The following ARHGAP18 variants were observed in gnomAD, a reference collection of about 807,000 sequenced individuals.
ARHGAP18 encodes the protein Rho GTPase activating protein 18, also known as rho GTPase-activating protein 18.
A neutral mutation model predicts 86.2 loss-of-function variants in ARHGAP18; 67 were observed. That is an observed-to-expected ratio of 0.78 (90% confidence interval 0.64 to 0.95). The LOEUF is 0.95. ARHGAP18 is among the 40% of genes least tolerant of loss of function. ARHGAP18 has a pLI of 0.00. For synonymous variants in ARHGAP18, 283 were observed against 280.4 expected, an observed-to-expected ratio of 1.01 and a Z score of -0.09; for missense variants, 691 against 780.4, an observed-to-expected ratio of 0.89 and a Z score of 1.37.
At chr6:129,587,776 G>A (rs557323229) in intron 12 of ARHGAP18, among the ~76,000 whole-genome samples, 1 of 152,154 alleles carries the variant, frequency 6.6e-6, no homozygotes, top group Admixed American at 6.5e-5. Context: ...AATTCAAGAT[G>A]AGATTTGGGT....
At chr6:129,597,206 C>G (rs534386458) in intron 12 of ARHGAP18, among the ~76,000 whole-genome samples, 1 of 150,016 alleles carries the variant, frequency 6.7e-6, no homozygotes, top group South Asian at 2.1e-4. Context: ...AGTGCAGTGG[C>G]GCAATCTTGG....
chr6:129,680,316 T>A (rs1406409128), intron 1 of ARHGAP18, among the ~76,000 whole-genome samples: 1 of 152,134 alleles, frequency 6.6e-6, no homozygotes, highest in Non-Finnish European at 1.5e-5. Flanking sequence ...TCCAAACATA[T>A]CTGAAGAGTT....
rs757946610 is a variant in ARHGAP18, at chr6:129,607,992, T to C, written c.1183A>G (p.Lys395Glu). The C allele has an allele frequency of 3.1e-6, 5 of 1,610,524 alleles. No homozygotes were observed. Among genetic ancestry groups the C allele is most frequent in the Middle Eastern group, 1.7e-4 (1 of 6,040 alleles). The change falls in exon 9 of 15, where the codon AAA (lysine) becomes GAA (glutamate). Residue 395 changes from lysine (K) to glutamate (E), a missense_variant. By Grantham distance (56) the Lys-to-Glu change is moderately conservative (BLOSUM62 1). Coordinates refer to ENST00000368149, the MANE Select transcript of ARHGAP18 (RefSeq NM_033515.3). ...YEGTFNWESV[K>E]QHDAASLLKL... ...AGCAGGCTGGCGGCATCATGCTGTT[T>C]GACACTTTCCCAATTAAAAGTCCCT...
intron 1 of ARHGAP18, among the ~76,000 whole-genome samples, chr6:129,677,318 G>A (rs1177456610): frequency 3.3e-5 from 5 of 152,072 alleles, no homozygotes; most frequent in Non-Finnish European, 7.4e-5. Flanking sequence ...GCGTGAACCC[G>A]GGAGGCGGAG....
At chr6:129,581,965 A>G (rs113131430) in intron 13 of ARHGAP18, among the ~76,000 whole-genome samples, 1,738 of 152,242 alleles carry the variant, frequency 0.011, 22 homozygotes, top group South Asian at 0.046. Context: ...ATTCTTACAA[A>G]TGAGGAACTT....
At chr6:129,602,825 C>T in intron 10 of ARHGAP18, among the ~76,000 whole-genome samples, 1 of 151,604 alleles carries the variant, frequency 6.6e-6, no homozygotes, top group East Asian at 1.9e-4. Flanking sequence ...GGTAATAAAC[C>T]GTTTTAATTG....
chr6:129,676,913 CTCTT>C (rs1338882173), intron 1 of ARHGAP18, among the ~76,000 whole-genome samples: 560 of 34,568 alleles, frequency 0.016, 12 homozygotes, highest in African/African-American at 0.038. Flanking sequence ...ATTTTTTGTC[CTCTT>C]TTTTTTTTTT....
At chr6:129,603,798 T>A (rs1788796832) in intron 10 of ARHGAP18, among the ~76,000 whole-genome samples, 1 of 152,198 alleles carries the variant, frequency 6.6e-6, no homozygotes, top group Admixed American at 6.5e-5. Flanking sequence ...TAACTGTAGT[T>A]AAGCAGCTTG....
chr6:129,641,808 G>A lies in ARHGAP18; in HGVS notation c.316+8C>T. 1.2e-6 allele frequency: 2 copies of A among 1,608,144 alleles called. No homozygotes were observed. The highest frequency in any genetic ancestry group is 1.8e-4 in the Middle Eastern group (1 of 5,422). On this transcript the variant is annotated splice_region_variant and intron_variant, in intron 2 of 14. Coordinates refer to ENST00000368149, the MANE Select transcript of ARHGAP18 (RefSeq NM_033515.3). ...AAACAACAAAAGCTTTATTTAGTTA[G>A]TTATTACCATCAGGCTCTTTGACAA...
chr6:129,692,043 G>A (rs1774538842), intron 1 of ARHGAP18, among the ~76,000 whole-genome samples: 1 of 152,164 alleles, frequency 6.6e-6, no homozygotes. Context: ...CAGAGGAGGA[G>A]CAACTGCCCT....
chr6:129,596,826 G>A (rs1003337298), intron 12 of ARHGAP18: 2 of 152,136 alleles, frequency 1.3e-5, no homozygotes, highest in Admixed American at 6.6e-5. Flanking sequence ...CAAAAGGAAC[G>A]GCTCCTACTC....
At chr6:129,668,290 A>C (rs1774078323) in intron 1 of ARHGAP18, among the ~76,000 whole-genome samples, 1 of 150,750 alleles carries the variant, frequency 6.6e-6, no homozygotes, top group African/African-American at 2.4e-5. Flanking sequence ...GTATCAGTGC[A>C]TGGAGCACAT....
Position 129,578,453 on chromosome 6 carries a change from CTT to C in ARHGAP18, c.*58_*59del. 1 of 1,391,978 alleles carries C rather than the reference CTT, an allele frequency of 7.2e-7. No homozygotes were observed. The highest frequency in any genetic ancestry group is 1.0e-6 in the Non-Finnish European group (1 of 989,006). 86.2% of individuals were successfully genotyped at this position (1,391,978 alleles called of 1,614,324 possible). ...TCCTGCCATTTCTTTTATTTACACT[CTT>C]GACTCAGCAAGAATTATGACAGAAG... On this transcript the variant is annotated 3_prime_UTR_variant, in exon 15 of 15. Coordinates refer to ENST00000368149, the MANE Select transcript of ARHGAP18 (RefSeq NM_033515.3).
intron 1 of ARHGAP18, among the ~76,000 whole-genome samples, chr6:129,659,043 T>G (rs1562714518): frequency 6.6e-6 from 1 of 152,230 alleles, no homozygotes; most frequent in Non-Finnish European, 1.5e-5. Flanking sequence ...ACCCACGCAA[T>G]ATACACCAAA....
intron 7 of ARHGAP18, among the ~76,000 whole-genome samples, chr6:129,612,429 C>T (rs1257808902): frequency 6.6e-6 from 1 of 152,196 alleles, no homozygotes; most frequent in Admixed American, 6.5e-5. Flanking sequence ...GTTTTCCTCC[C>T]TGGCACCCAC....
intron 10 of ARHGAP18, among the ~76,000 whole-genome samples, chr6:129,602,244 G>C (rs1788762163): frequency 6.6e-6 from 1 of 152,146 alleles, no homozygotes; most frequent in South Asian, 2.1e-4. Context: ...GACAGATGCT[G>C]TAATTACCTC....
intron 4 of ARHGAP18, among the ~76,000 whole-genome samples, chr6:129,629,866 C>T (rs920900901): frequency 3.3e-5 from 5 of 152,124 alleles, no homozygotes; most frequent in Admixed American, 6.6e-5. Context: ...TTTTATTCTA[C>T]ACTGAGAAAC....
At chr6:129,675,515 A>G (rs747567173) in intron 1 of ARHGAP18, among the ~76,000 whole-genome samples, 3 of 152,098 alleles carry the variant, frequency 2.0e-5, no homozygotes, top group Non-Finnish European at 2.9e-5. Flanking sequence ...AGGAGCCTTC[A>G]CATTCCATTA....
At chr6:129,618,529 C>G (rs572185236) in intron 6 of ARHGAP18, among the ~76,000 whole-genome samples, 158 bp downstream of exon 6, 1 of 152,156 alleles carries the variant, frequency 6.6e-6, no homozygotes, top group East Asian at 1.9e-4. Flanking sequence ...CGTTATAAAA[C>G]TTTTGAAGGC....
Sources: gnomAD v4.1 joint callset for allele counts (sites outside exome capture counted in the v4.1 genomes callset) on GRCh38, gnomAD v4.1.1 for gene constraint, MANE v1.5 for transcripts, NCBI Gene and HGNC (gene_info 2026-07-23, HGNC 2026-07-21) for gene names.